Variants in CSMD1 observed in about 807,000 individuals in gnomAD.
CSMD1 encodes the protein CUB and Sushi multiple domains 1.
A neutral mutation model predicts 417.5 loss-of-function variants in CSMD1; 213 were observed. That is an observed-to-expected ratio of 0.51 (90% CI 0.46 to 0.57). The LOEUF (loss-of-function observed/expected upper bound fraction) is 0.57, where lower values mean the gene tolerates loss of function less well. CSMD1 is among the 20% of genes least tolerant of loss of function. The probability of loss-of-function intolerance (pLI) is 0.00; values close to 1 mark genes in which losing one functional copy is unlikely to be tolerated. For missense variants in CSMD1, 6,923 were observed against 4,529.7 expected (o/e 1.53, Z -15.17); for synonymous variants, 2,862 against 1,736.8 (o/e 1.65, Z -16.11).
At chr8:3,508,444 C>T (rs1796926535) in intron 10 of CSMD1, among the ~76,000 whole-genome samples, 1 of 151,446 alleles carries the variant, frequency 6.6e-6, no homozygotes, top group South Asian at 2.1e-4. Flanking sequence ...CAACATGGCA[C>T]ATGTATACAT....
chr8:4,759,579 G>A (rs557092660), intron 1 of CSMD1, among the ~76,000 whole-genome samples: 2 of 97,450 alleles, frequency 2.1e-5, no homozygotes, highest in Admixed American at 8.6e-5. Context: ...CCATCCCCCT[G>A]TCAGGTCCCC....
At chr8:3,555,452 G>C (rs1376482988) in intron 10 of CSMD1, among the ~76,000 whole-genome samples, 1 of 152,136 alleles carries the variant, frequency 6.6e-6, no homozygotes, top group African/African-American at 2.4e-5. Flanking sequence ...AGGTGGCCCT[G>C]GCAGGTCAGA....
At chr8:3,271,381 A>G (rs1007221830) in intron 26 of CSMD1, among the ~76,000 whole-genome samples, 13 of 152,034 alleles carry the variant, frequency 8.6e-5, no homozygotes, top group East Asian at 3.9e-4. Context: ...TAATGCCACA[A>G]TAAACATACG....
At chr8:4,221,915 A>G (rs1340004892) in intron 3 of CSMD1, among the ~76,000 whole-genome samples, 4 of 152,328 alleles carry the variant, frequency 2.6e-5, no homozygotes, top group Admixed American at 6.5e-5. Flanking sequence ...GAAAATGCCT[A>G]GAGAAGCTAA....
At chr8:4,137,133 C>G (rs1173315176) in intron 3 of CSMD1, among the ~76,000 whole-genome samples, 3 of 152,136 alleles carry the variant, frequency 2.0e-5, no homozygotes, top group Non-Finnish European at 4.4e-5. Flanking sequence ...GAGAATAAGC[C>G]ATTCATAACA....
intron 3 of CSMD1, among the ~76,000 whole-genome samples, chr8:4,093,039 T>C (rs564767890): frequency 2.6e-5 from 4 of 152,288 alleles, no homozygotes; most frequent in African/African-American, 9.6e-5. Context: ...TTGTGACTTG[T>C]TGGTTATTGC....
intron 5 of CSMD1, among the ~76,000 whole-genome samples, chr8:3,914,804 G>A (rs1047515638): frequency 2.6e-5 from 4 of 151,470 alleles, no homozygotes; most frequent in African/African-American, 9.7e-5. Flanking sequence ...AAGATTTATT[G>A]ACATCTACTC....
chr8:4,757,496 G>C (rs140752936), intron 1 of CSMD1, among the ~76,000 whole-genome samples: 10 of 152,242 alleles, frequency 6.6e-5, no homozygotes, highest in African/African-American at 2.2e-4. Context: ...ACCGCAGCTA[G>C]GCACACTGCA....
At chr8:4,282,698 C>T (rs1274930196) in intron 3 of CSMD1, among the ~76,000 whole-genome samples, 1 of 152,068 alleles carries the variant, frequency 6.6e-6, no homozygotes, top group Non-Finnish European at 1.5e-5. Context: ...TGACAGCATC[C>T]TAACAACTCA....
intron 3 of CSMD1, among the ~76,000 whole-genome samples, chr8:4,071,084 G>C (rs1032962666): frequency 5.3e-5 from 8 of 151,912 alleles, no homozygotes; most frequent in Non-Finnish European, 7.4e-5. Flanking sequence ...TTTCTTTGCA[G>C]TTATCTTTCA....
chr8:2,987,128 A>G (rs1805986926), intron 54 of CSMD1, among the ~76,000 whole-genome samples: 1 of 152,062 alleles, frequency 6.6e-6, no homozygotes, highest in Non-Finnish European at 1.5e-5. Context: ...TTTCTATCAT[A>G]TTTTACTGAT....
At chr8:3,597,023 T>C (rs1801127523) in intron 8 of CSMD1, among the ~76,000 whole-genome samples, 1 of 152,122 alleles carries the variant, frequency 6.6e-6, no homozygotes. Flanking sequence ...CAGGTGCTGA[T>C]GCCACCCAGA....
intron 1 of CSMD1, chr8:4,788,223 G>T: frequency 6.3e-7 from 1 of 1,586,024 alleles, no homozygotes; most frequent in Non-Finnish European, 8.6e-7. Flanking sequence ...TGCGCATAAA[G>T]GACCAGATGA....
At chr8:3,845,987 G>A (rs1173881571) in intron 5 of CSMD1, among the ~76,000 whole-genome samples, 9 of 151,732 alleles carry the variant, frequency 5.9e-5, no homozygotes, top group East Asian at 1.9e-4. Flanking sequence ...CCATGGAGCC[G>A]TCACCTCCTA....
chr8:3,394,013 T>A (rs963632483), intron 17 of CSMD1, among the ~76,000 whole-genome samples: 3,969 of 13,154 alleles, frequency 0.3, 88 homozygotes, highest in East Asian at 0.36. Context: ...AAAAATAAAT[T>A]ATATATATAT....
intron 3 of CSMD1, among the ~76,000 whole-genome samples, chr8:4,279,909 C>A (rs1259454128): frequency 6.6e-6 from 1 of 152,136 alleles, no homozygotes; most frequent in African/African-American, 2.4e-5. Context: ...GTGTTCTATA[C>A]ATTTTTTATT....
chr8:3,222,136 T>C (rs931921745), intron 28 of CSMD1, among the ~76,000 whole-genome samples: 1 of 152,152 alleles, frequency 6.6e-6, no homozygotes, highest in African/African-American at 2.4e-5. Context: ...TTGGGTCGGC[T>C]AATAAGTCAT....
chr8:4,115,855 C>T (rs970444543), intron 3 of CSMD1, among the ~76,000 whole-genome samples: 5 of 151,974 alleles, frequency 3.3e-5, no homozygotes, highest in Non-Finnish European at 7.4e-5. Context: ...ACTGCATGAT[C>T]CCCAATCATA....
At chr8:3,983,473 A>G (rs936207594) in intron 5 of CSMD1, among the ~76,000 whole-genome samples, 2 of 152,160 alleles carry the variant, frequency 1.3e-5, no homozygotes, top group Admixed American at 6.5e-5. Flanking sequence ...ACCAGGGTAG[A>G]TATCAAGTCA....
Sources: allele counts gnomAD v4.1 joint callset (sites outside exome capture counted in the v4.1 genomes callset), GRCh38; gene constraint gnomAD v4.1.1; transcripts MANE v1.5; gene names NCBI Gene and HGNC (gene_info 2026-07-23, HGNC 2026-07-21).